KMT2C: variants seen among roughly 807,000 people sequenced by gnomAD.
KMT2C encodes lysine methyltransferase 2C.
KMT2C carries 88 observed loss-of-function variants against 507.9 expected under a neutral mutation model. The ratio of observed to expected loss-of-function variants is 0.17; its 90% CI spans 0.15 to 0.21. The LOEUF (loss-of-function observed/expected upper bound fraction) is 0.21, where lower values mean the gene tolerates loss of function less well. KMT2C is among the 10% of genes least tolerant of loss of function. KMT2C has a pLI of 1.00. For missense variants in KMT2C, 4,954 were observed against 5,957.8 expected (o/e 0.83, Z 5.55); for synonymous variants, 2,049 against 2,080.8 (o/e 0.98, Z 0.42).
rs587777073 is a variant in KMT2C, at chr7:152,194,506, G to A, written c.4441C>T (p.Arg1481Ter). ...LPQPNVNQSS[R>*]PLSEEQLDGI... ...TCTAGCTGTTCTTCACTTAATGGTC[G>A]TGAACTCTGATTGACATTTGGCTGA... The change falls in exon 29 of 59, where the codon CGA (arginine) becomes TGA (stop). Residue 1481 changes from arginine (R) to a stop codon, truncating the protein, a stop_gained. Transcript: ENST00000262189. LOFTEE classifies it high-confidence loss of function. 1 of 1,612,308 alleles carries A rather than the reference G, an allele frequency of 6.2e-7. No individual in the cohort carries two copies. Among genetic ancestry groups the A allele is most frequent in the Non-Finnish European group, 8.5e-7 (1 of 1,178,554 alleles).
intron 2 of KMT2C, among the ~76,000 whole-genome samples, chr7:152,354,793 G>C (rs71541751): frequency 6.6e-6 from 1 of 152,152 alleles, no homozygotes; most frequent in East Asian, 1.9e-4. Context: ...CATAAGATAC[G>C]GTTATACAAG....
chr7:152,380,106 C>T (rs367689578), intron 1 of KMT2C, among the ~76,000 whole-genome samples: 3,575 of 150,000 alleles, frequency 0.024, no homozygotes, highest in South Asian at 0.053. Flanking sequence ...GCAGCATGTG[C>T]CTGTAGTCCC....
At position 152,273,850 on chromosome 7, in the gene KMT2C, C is replaced by T. The variant is rs749844125; in HGVS notation, c.867G>A (p.Lys289=). 49 of 1,613,140 alleles carry T rather than the reference C, an allele frequency of 3.0e-5. No individual in the cohort carries two copies. The Admixed American group carries it at 7.0e-4, about 23-fold the overall frequency. ...SGSTERCAFC[K]HLGATIKCCE... The stretch of plus-strand genomic sequence containing the variant: ...AGCATTTGATAGTGGCTCCAAGGTG[C>T]TTACAAAATGCACATCGCTGAAAGG... Residue 289 remains lysine, a synonymous_variant, in exon 7 of 59, where the codon AAG becomes AAA. Transcript: ENST00000262189.
rs529366902 is a variant in KMT2C at position 152,351,977 on chromosome 7, G to A, written c.250+6610C>T. On this transcript the variant is annotated intron_variant, in intron 2 of 58. Coordinates refer to ENST00000262189, the MANE Select transcript of KMT2C (RefSeq NM_170606.3). Reference sequence around the variant, plus strand: ...GAACAGGATAACAGCAATGTTCAGGGAACAAGAGAGACAACCTTGAACTCT... The same window carrying A: ...GAACAGGATAACAGCAATGTTCAGGAAACAAGAGAGACAACCTTGAACTCT... Among the ~76,000 whole-genome samples, 12 of 152,308 alleles carry A rather than the reference G, an allele frequency of 7.9e-5. No homozygotes were observed. In the East Asian group the frequency reaches 1.7e-3, roughly 22 times the overall value.
chr7:152,324,628 C>G (rs186421105), intron 3 of KMT2C, among the ~76,000 whole-genome samples: 40 of 151,816 alleles, frequency 2.6e-4, no homozygotes, highest in Admixed American at 2.1e-3. Context: ...GAAAAAAAAT[C>G]TTTGAATTGA....
At chr7:152,178,531 T>C (rs1444148779) in intron 37 of KMT2C, among the ~76,000 whole-genome samples, 1 of 152,204 alleles carries the variant, frequency 6.6e-6, no homozygotes, top group East Asian at 1.9e-4. Flanking sequence ...AGGCCTCATC[T>C]ATAAAGATTA....
chr7:152,135,993 C>T lies in KMT2C; in HGVS notation c.*839G>A, dbSNP rs1164394381. 8.9e-6 allele frequency: 2 copies of T among 225,774 alleles called. No homozygotes were observed. Among genetic ancestry groups the T allele is most frequent in the Non-Finnish European group, 1.8e-5 (2 of 113,354 alleles). The allele number at this position is 225,774 out of a possible 1,614,324, so 14.0% of individuals were successfully genotyped here. A position where few individuals can be genotyped will look rare whatever the true frequency, so the allele number is the denominator to read the frequency against. On this transcript the variant is annotated 3_prime_UTR_variant, in exon 59 of 59. Coordinates refer to ENST00000262189, the MANE Select transcript of KMT2C (RefSeq NM_170606.3). The stretch of plus-strand genomic sequence containing the variant: ...TCCCTATGAACATTTTATAAGCCCC[C>T]GAGCTGCTGCAGAGCCTGGTAGCAT...
intron 27 of KMT2C, among the ~76,000 whole-genome samples, chr7:152,198,529 A>G (rs1352493161): frequency 6.6e-6 from 1 of 152,230 alleles, no homozygotes; most frequent in African/African-American, 2.4e-5. Flanking sequence ...ATAGGGGAGA[A>G]GTGGGAGAAA....
chr7:152,366,558 G>A lies in KMT2C; in HGVS notation c.162-7883C>T, dbSNP rs867641935. Among the ~76,000 whole-genome samples the A allele has an allele frequency of 8.5e-5, 13 of 152,250 alleles. No individual in the cohort carries two copies. In the South Asian group the frequency reaches 1.0e-3, roughly 12 times the overall value. ...ACTAAGAGTAGCTAAAATCAGAGAC[G>A]GAAAGTGGAACGGTGGTTGCCAGAG... On this transcript the variant is annotated intron_variant, in intron 1 of 58. Coordinates refer to ENST00000262189, the MANE Select transcript of KMT2C (RefSeq NM_170606.3).
intron 3 of KMT2C, among the ~76,000 whole-genome samples, chr7:152,329,118 AG>A (rs1301921682): frequency 6.6e-6 from 1 of 152,178 alleles, no homozygotes; most frequent in Non-Finnish European, 1.5e-5. Context: ...TTTCTTTCCC[AG>A]GGAGTGAACA....
chr7:152,246,304 T>C (rs2095472139), intron 14 of KMT2C, among the ~76,000 whole-genome samples: 1 of 151,728 alleles, frequency 6.6e-6, no homozygotes, highest in Non-Finnish European at 1.5e-5. Flanking sequence ...CTTACAAGAG[T>C]AGCAGCAAAT....
At chr7:152,171,221 G>A (rs1433099752) in intron 40 of KMT2C, 43 bp downstream of exon 40, 1 of 1,351,162 alleles carries the variant, frequency 7.4e-7, no homozygotes. Context: ...CTGGGAAACA[G>A]AAAAGCGTGC....
intron 9 of KMT2C, among the ~76,000 whole-genome samples, chr7:152,256,144 T>C (rs2095658254): frequency 6.6e-6 from 1 of 152,190 alleles, no homozygotes; most frequent in African/African-American, 2.4e-5. Flanking sequence ...CACTCCAGCC[T>C]GAGCGACAGA....
At chr7:152,267,603 T>C (rs758748438) in intron 7 of KMT2C, among the ~76,000 whole-genome samples, 2 of 152,236 alleles carry the variant, frequency 1.3e-5, no homozygotes, top group Non-Finnish European at 2.9e-5. Flanking sequence ...CCTTTGTACC[T>C]ACCTAATACT....
At chr7:152,168,149 A>G (rs1046502538) in intron 41 of KMT2C, among the ~76,000 whole-genome samples, 33 of 147,656 alleles carry the variant, frequency 2.2e-4, no homozygotes, top group Middle Eastern at 3.5e-3. Context: ...GTCCAAGGGG[A>G]AAAAAAAAAA....
chr7:152,156,973 T>C (rs1587758839), intron 44 of KMT2C, among the ~76,000 whole-genome samples: 1 of 152,224 alleles, frequency 6.6e-6, no homozygotes, highest in East Asian at 1.9e-4. Flanking sequence ...ACTTGGAATC[T>C]ACCAATAACA....
chr7:152,353,498 CTTTTCTT>C (rs1376855579), intron 2 of KMT2C, among the ~76,000 whole-genome samples: 4 of 152,052 alleles, frequency 2.6e-5, no homozygotes, highest in Non-Finnish European at 5.9e-5. Context: ...CATTAGCATT[CTTTTCTT>C]TTTTCTGAGA....
chr7:152,138,854 A>G lies in KMT2C; in HGVS notation c.14585T>C (p.Phe4862Ser), dbSNP rs2090184352. 6.2e-7 allele frequency: 1 copy of G among 1,613,304 alleles called. No homozygotes were observed. The highest frequency in any genetic ancestry group is 1.3e-5 in the African/African-American group (1 of 74,852). The change falls in exon 58 of 59, where the codon TTT becomes TCT. Residue 4862 changes from phenylalanine to serine, a missense_variant. Coordinates refer to ENST00000262189, the MANE Select transcript of KMT2C (RefSeq NM_170606.3). This position sits in a 1 kb window ranked among gnomAD's most constrained non-coding sequence, Gnocchi z 4.2. ...APNCVAEVVT[F>S]ERGHKIIISS... ...GATGATAATTTTGTGTCCTCTCTCAAAAGTCACCACTTCAGCCACACAATT... is the reference window on the plus strand; with the variant it reads ...GATGATAATTTTGTGTCCTCTCTCAGAAGTCACCACTTCAGCCACACAATT...
rs758536426 is a variant in KMT2C, at chr7:152,195,986, A to T, written c.4299T>A (p.Asp1433Glu). The T allele has an allele frequency of 6.2e-7, 1 of 1,607,502 alleles. No homozygotes were observed. The highest frequency in any genetic ancestry group is 2.2e-5 in the East Asian group (1 of 44,752). ...THGPADDPLA[D>E]ISEVLNTDDD... is the part of the protein sequence containing the mutation. ...CATCTGTGTTTAAAACTTCAGAAATATCAGCTAATGGGTCATCAGCAGGAC... is the reference window on the plus strand; with the variant it reads ...CATCTGTGTTTAAAACTTCAGAAATTTCAGCTAATGGGTCATCAGCAGGAC... The change falls in exon 28 of 59, where the codon GAT becomes GAA. Residue 1433 changes from aspartate (D) to glutamate (E), a missense_variant. Physicochemically the swap from Asp to Glu is conservative, Grantham distance 45. Around this residue, in one of 29 missense-constraint regions of KMT2C, gnomAD observed 140 missense variants for 118.4 expected, o/e 1.18. Transcript: ENST00000262189.
Sources: allele counts gnomAD v4.1 joint callset (sites outside exome capture counted in the v4.1 genomes callset), GRCh38; gene constraint gnomAD v4.1.1; regional missense constraint gnomAD v4.1.1; non-coding constraint Gnocchi (gnomAD v3.1); transcripts MANE v1.5; gene names NCBI Gene and HGNC (gene_info 2026-07-23, HGNC 2026-07-21).